The following VCPIP1 variants were observed in gnomAD, a reference collection of about 807,000 sequenced individuals.
The protein encoded by VCPIP1 is valosin containing protein interacting protein 1, also known as deubiquitinating protein VCPIP1.
Under a neutral mutation model 85.0 loss-of-function variants are expected in VCPIP1, and 8 were observed. The observed-to-expected ratio is 0.09, with a 90% confidence interval of 0.06 to 0.17. The LOEUF is 0.17. Among genes scored for constraint, VCPIP1 ranks in the 10% least tolerant of loss-of-function variants. VCPIP1 has a pLI of 1.00. For missense variants in VCPIP1, 1,070 were observed against 1,486.3 expected (o/e 0.72, Z 4.61); for synonymous variants, 543 against 544.5 (o/e 1.00, Z 0.04).
chr8:66,650,860 CAAAAAAAAAAAAA>C (rs770736039), intron 2 of VCPIP1, among the ~76,000 whole-genome samples: 15 of 13,928 alleles, frequency 1.1e-3, no homozygotes, highest in African/African-American at 1.7e-3. Context: ...GACTTCGTCT[CAAAAAAAAAAAAA>C]AAAAAAAAAA....
chr8:66,634,645 A>C lies in VCPIP1; in HGVS notation c.3525T>G (p.Thr1175=), dbSNP rs1365761319. The C allele has an allele frequency of 1.9e-6, 3 of 1,614,096 alleles. No individual in the cohort carries two copies. Among genetic ancestry groups the C allele is most frequent in the Non-Finnish European group, 2.5e-6 (3 of 1,180,054 alleles). ...CCAGTGCATCTGCTACACAGCCATCAGTTGTTTCTGTATTCAAATTTTCAG... is the reference window on the plus strand; with the variant it reads ...CCAGTGCATCTGCTACACAGCCATCCGTTGTTTCTGTATTCAAATTTTCAG... The part of the protein sequence containing the change: ...GGTENLNTET[T]DGCVADALGA... The change falls in exon 3 of 3, where the codon ACT becomes ACG. Residue 1175 remains threonine (T), a synonymous_variant. Coordinates refer to ENST00000310421, the MANE Select transcript of VCPIP1 (RefSeq NM_025054.5).
chr8:66,634,695 C>T lies in VCPIP1; in HGVS notation c.3475G>A (p.Glu1159Lys). ...KSGSLQTGLP[E>K]SFPLTGGTEN... is the part of the protein sequence containing the mutation. ...GTACCACCAGTTAAAGGAAAAGATT[C>T]AGGCAAACCAGTCTGAAGACTCCCA... Residue 1159 changes from glutamate to lysine, a missense_variant, in exon 3 of 3, where the codon GAA (glutamate) becomes AAA (lysine). Transcript: ENST00000310421. 1 of 1,614,140 alleles carries T rather than the reference C, an allele frequency of 6.2e-7. No individual in the cohort carries two copies. The highest frequency in any genetic ancestry group is 8.5e-7 in the Non-Finnish European group (1 of 1,180,012).
chr8:66,649,776 G>GTGGTGT, intron 2 of VCPIP1, among the ~76,000 whole-genome samples: 1 of 151,990 alleles, frequency 6.6e-6, no homozygotes, highest in South Asian at 2.1e-4. Flanking sequence ...GGTGGTGTTG[G>GTGGTGT]TTACATGACT....
intron 2 of VCPIP1, among the ~76,000 whole-genome samples, chr8:66,640,003 G>C (rs1378344199): frequency 1.3e-5 from 2 of 152,150 alleles, no homozygotes; most frequent in South Asian, 2.1e-4. Context: ...CTAAATATCT[G>C]GGTGATGAAA....
At chr8:66,640,877 A>AT (rs1810940143) in intron 2 of VCPIP1, among the ~76,000 whole-genome samples, 1 of 152,192 alleles carries the variant, frequency 6.6e-6, no homozygotes. Context: ...GTGCAACCTG[A>AT]TTCTTCCTGG....
At chr8:66,646,950 A>G (rs1338709154) in intron 2 of VCPIP1, among the ~76,000 whole-genome samples, 3 of 152,186 alleles carry the variant, frequency 2.0e-5, no homozygotes, top group African/African-American at 7.2e-5. Flanking sequence ...ACTTGAACCC[A>G]GGAGGCAGAG....
chr8:66,648,002 C>G (rs571772451), intron 2 of VCPIP1, among the ~76,000 whole-genome samples: 15 of 152,016 alleles, frequency 9.9e-5, no homozygotes, highest in Non-Finnish European at 2.1e-4. Flanking sequence ...GGGGTTTCAT[C>G]ATGTTGCCCA....
At position 66,647,280 on chromosome 8, in the gene VCPIP1, G is replaced by C. The variant is rs1025112061; in HGVS notation, c.2797+4178C>G. On this transcript the variant is annotated intron_variant, in intron 2 of 2. Coordinates refer to ENST00000310421, the MANE Select transcript of VCPIP1 (RefSeq NM_025054.5). ...GGCTTGAATCTGGGAGGCAGAGGTT[G>C]CAGTGACCCAAGACTGCGACACTGC... Among the ~76,000 whole-genome samples the C allele has an allele frequency of 2.0e-5, 3 of 151,878 alleles. No homozygotes were observed. In the East Asian group the frequency reaches 5.8e-4, roughly 29 times the overall value.
chr8:66,638,037 A>C (rs1445609500), intron 2 of VCPIP1, among the ~76,000 whole-genome samples: 1 of 152,256 alleles, frequency 6.6e-6, no homozygotes, highest in Non-Finnish European at 1.5e-5. Flanking sequence ...ATTTATAGTT[A>C]CATTATTCTT....
chr8:66,648,446 C>T (rs1811017118), intron 2 of VCPIP1, among the ~76,000 whole-genome samples: 1 of 152,142 alleles, frequency 6.6e-6, no homozygotes, highest in Non-Finnish European at 1.5e-5. Context: ...TCTAATCTAT[C>T]TAATCTATCA....
At chr8:66,664,056 A>G (rs1811182498) in intron 1 of VCPIP1, among the ~76,000 whole-genome samples, 193 bp downstream of exon 1, 1 of 152,188 alleles carries the variant, frequency 6.6e-6, no homozygotes. Context: ...TTAACTTTCT[A>G]TTTTCCTAAT....
At chr8:66,644,794 T>TAAAA (rs112573575) in intron 2 of VCPIP1, among the ~76,000 whole-genome samples, 3,429 of 137,472 alleles carry the variant, frequency 0.025, 127 homozygotes, top group African/African-American at 0.085. Flanking sequence ...AAGGGCAATG[T>TAAAA]AAAAAAAAAA....
At position 66,667,012 on chromosome 8, in the gene VCPIP1, T is replaced by TA; in HGVS notation, c.-55dup. The TA allele has an allele frequency of 6.8e-7, 1 of 1,461,742 alleles. No homozygotes were observed. Among genetic ancestry groups the TA allele is most frequent in the Non-Finnish European group, 9.0e-7 (1 of 1,112,888 alleles). 90.5% of individuals were successfully genotyped at this position (1,461,742 alleles called of 1,614,324 possible). A position where few individuals can be genotyped will look rare whatever the true frequency, so the allele number is the denominator to read the frequency against. On this transcript the variant is annotated 5_prime_UTR_variant, in exon 1 of 3. Coordinates refer to ENST00000310421, the MANE Select transcript of VCPIP1 (RefSeq NM_025054.5). ...GTCCCAGGCGACCCTCAAAAGCTCA[T>TA]AGCCCAGACCCCCACCAACCCGACT...
At chr8:66,662,994 A>T (rs1267382571) in intron 1 of VCPIP1, among the ~76,000 whole-genome samples, 1 of 150,960 alleles carries the variant, frequency 6.6e-6, no homozygotes, top group Admixed American at 6.6e-5. Flanking sequence ...AGTCCCAGCT[A>T]CTTGGGAGGC....
At chr8:66,647,579 T>C (rs546834476) in intron 2 of VCPIP1, among the ~76,000 whole-genome samples, 30 of 152,222 alleles carry the variant, frequency 2.0e-4, no homozygotes, top group African/African-American at 7.0e-4. Flanking sequence ...CAAATACTAA[T>C]AGAACCACAC....
Position 66,664,827 on chromosome 8 carries a change from T to A in VCPIP1, c.2132A>T (p.Lys711Ile). The change falls in exon 1 of 3, where the codon AAA becomes ATA. Residue 711 changes from lysine to isoleucine, a missense_variant. Around this residue, in one of 8 missense-constraint regions of VCPIP1, gnomAD observed 278 missense variants for 298.5 expected, o/e 0.93. Coordinates refer to ENST00000310421, the MANE Select transcript of VCPIP1 (RefSeq NM_025054.5). ...TLHKEELNMS[K>I]TERTIQQNIT... ...ATTCTGTTGAATAGTTCTTTCAGTT[T>A]TACTCATGTTTAACTCCTCCTTGTG... 1 of 1,613,314 alleles carries A rather than the reference T, an allele frequency of 6.2e-7. No individual in the cohort carries two copies.
In VCPIP1 at chr8:66,666,873, G is replaced by A; in HGVS notation, c.86C>T (p.Ser29Leu). The part of the protein sequence containing the change: ...EAPQTPSSLA[S>L]AAASGGLLKR... ...CAAAAGCCCCCCCGAAGCAGCCGCC[G>A]ACGCCAAGGACGACGGAGTCTGTGG... Residue 29 changes from serine to leucine, a missense_variant, in exon 1 of 3, where the codon TCG (serine) becomes TTG (leucine). Coordinates refer to ENST00000310421, the MANE Select transcript of VCPIP1 (RefSeq NM_025054.5). This position sits in a 1 kb window ranked among gnomAD's most constrained non-coding sequence, Gnocchi z 6.3. The A allele has an allele frequency of 6.2e-7, 1 of 1,612,874 alleles. No individual in the cohort carries two copies. Among genetic ancestry groups the A allele is most frequent in the Non-Finnish European group, 8.5e-7 (1 of 1,179,862 alleles).
Position 66,666,943 on chromosome 8 carries a change from G to C in VCPIP1, c.16C>G (p.Pro6Ala), listed in dbSNP as rs753377692. The change falls in exon 1 of 3, where the codon CCG becomes GCG. Residue 6 changes from proline to alanine, a missense_variant. Physicochemically the swap from Pro to Ala is conservative, Grantham distance 27 (BLOSUM62 -1). Coordinates refer to ENST00000310421, the MANE Select transcript of VCPIP1 (RefSeq NM_025054.5). The surrounding 1 kb of genome is among the most constrained non-coding windows in gnomAD (Gnocchi z 6.3). Reference protein sequence around the residue: MSQPPPPPPPLPPPPP... With the variant: MSQPPAPPPPLPPPPP... ...GGCGGCGGCAACGGAGGCGGCGGCG[G>C]CGGCGGCTGAGACATAGCTCCTGGC... 4 of 1,576,966 alleles carry C rather than the reference G, an allele frequency of 2.5e-6. No individual in the cohort carries two copies. The African/African-American group carries it at 5.5e-5, about 22-fold the overall frequency.
intron 2 of VCPIP1, among the ~76,000 whole-genome samples, chr8:66,645,351 G>C (rs924104389): frequency 2.6e-5 from 4 of 152,158 alleles, no homozygotes; most frequent in African/African-American, 9.7e-5. Context: ...TCAGGAGGCA[G>C]AGGTTGTGGT....
Sources: allele counts gnomAD v4.1 joint callset (sites outside exome capture counted in the v4.1 genomes callset), GRCh38; gene constraint gnomAD v4.1.1; regional missense constraint gnomAD v4.1.1; non-coding constraint Gnocchi (gnomAD v3.1); transcripts MANE v1.5; gene names NCBI Gene and HGNC (gene_info 2026-07-23, HGNC 2026-07-21).